FSTL4: variants seen among roughly 807,000 people sequenced by gnomAD.
FSTL4 encodes follistatin like 4.
FSTL4 carries 28 observed loss-of-function variants against 78.2 expected under a neutral mutation model. That is an observed-to-expected ratio of 0.36 (90% CI 0.27 to 0.49). The LOEUF is 0.49. Ranked by LOEUF, FSTL4 falls within the 20% of genes least tolerant of loss-of-function variation. The pLI is 0.98. For synonymous variants in FSTL4, 422 were observed against 440.5 expected (o/e 0.96, Z 0.53); for missense variants, 922 against 1,084.9 (o/e 0.85, Z 2.11).
chr5:133,302,200 G>A (rs931444022), intron 6 of FSTL4, among the ~76,000 whole-genome samples: 1 of 152,012 alleles, frequency 6.6e-6, no homozygotes, highest in African/African-American at 2.4e-5. Flanking sequence ...ATGAGAACTC[G>A]GGGCTCTGAA....
intron 8 of FSTL4, among the ~76,000 whole-genome samples, chr5:133,226,733 G>A (rs981803098): frequency 6.6e-6 from 1 of 152,202 alleles, no homozygotes; most frequent in Non-Finnish European, 1.5e-5. Context: ...TTCTTGAAGT[G>A]GACAGCTACA....
At chr5:133,414,383 G>GTA (rs59208127) in intron 3 of FSTL4, among the ~76,000 whole-genome samples, 3,452 of 152,160 alleles carry the variant, frequency 0.023, 59 homozygotes, top group African/African-American at 0.055. Context: ...GGGCCCAGGT[G>GTA]TATATATATA....
At chr5:133,357,171 T>G (rs1386999505) in intron 4 of FSTL4, among the ~76,000 whole-genome samples, 4 of 152,012 alleles carry the variant, frequency 2.6e-5, no homozygotes, top group Non-Finnish European at 5.9e-5. Flanking sequence ...ACAGCATGTT[T>G]GAGATTTGGT....
the FSTL4 span, among the ~76,000 whole-genome samples, chr5:133,829,979 T>A: frequency 5.9e-5 from 9 of 152,064 alleles, no homozygotes; most frequent in Non-Finnish European, 8.8e-5. Context: ...CACTGAGGGA[T>A]GGAATCCCCC....
intron 3 of FSTL4, among the ~76,000 whole-genome samples, chr5:133,441,860 C>T (rs868834131): frequency 2.0e-4 from 30 of 152,190 alleles, no homozygotes; most frequent in Non-Finnish European, 3.8e-4. Context: ...GATTTTAGTC[C>T]AGGCTGGCAG....
At chr5:133,840,738 A>G in the FSTL4 span, among the ~76,000 whole-genome samples, 136 of 152,254 alleles carry the variant, frequency 8.9e-4, no homozygotes, top group Non-Finnish European at 1.6e-3. Flanking sequence ...GAGGAGTTCA[A>G]CCTGGAGGCA....
chr5:133,627,050 G>A, the FSTL4 span, among the ~76,000 whole-genome samples: 39 of 150,948 alleles, frequency 2.6e-4, no homozygotes, highest in African/African-American at 9.2e-4. Flanking sequence ...CCTGCTTCAC[G>A]TATTTTGTAG....
intron 6 of FSTL4, among the ~76,000 whole-genome samples, chr5:133,264,476 C>G (rs965765980): frequency 1.3e-5 from 2 of 152,142 alleles, no homozygotes; most frequent in African/African-American, 4.8e-5. Flanking sequence ...CTATCACACT[C>G]TCCTGCAGAC....
chr5:133,758,890 A>G, the FSTL4 span, among the ~76,000 whole-genome samples: 1 of 152,216 alleles, frequency 6.6e-6, no homozygotes, highest in Non-Finnish European at 1.5e-5. Flanking sequence ...AGCAGACCTC[A>G]GTTCTTCATA....
chr5:133,373,932 G>T (rs1204810624), intron 4 of FSTL4, among the ~76,000 whole-genome samples: 1 of 152,188 alleles, frequency 6.6e-6, no homozygotes, highest in Non-Finnish European at 1.5e-5. Flanking sequence ...AGCATGGGAA[G>T]TTTCTTCCCT....
chr5:133,486,690 C>T (rs938205715), intron 3 of FSTL4, among the ~76,000 whole-genome samples: 1 of 152,156 alleles, frequency 6.6e-6, no homozygotes, highest in African/African-American at 2.4e-5. Context: ...GCCCCCTCTT[C>T]ACCCTGCCAA....
At chr5:133,216,322 G>A (rs1438169543) in intron 13 of FSTL4, among the ~76,000 whole-genome samples, 1 of 152,060 alleles carries the variant, frequency 6.6e-6, no homozygotes, top group Admixed American at 6.5e-5. Context: ...ACAGAGTGTT[G>A]CTCTGCTGCC....
At chr5:133,337,152 G>A (rs1014300396) in intron 4 of FSTL4, among the ~76,000 whole-genome samples, 2 of 152,252 alleles carry the variant, frequency 1.3e-5, no homozygotes, top group Non-Finnish European at 2.9e-5. Flanking sequence ...CCCCCAACCT[G>A]CCCTTGCACC....
At chr5:133,371,269 C>A (rs1224515871) in intron 4 of FSTL4, among the ~76,000 whole-genome samples, 2 of 152,244 alleles carry the variant, frequency 1.3e-5, no homozygotes, top group African/African-American at 2.4e-5. Context: ...GTAAGCTCTG[C>A]CCATGTTTTG....
intron 4 of FSTL4, among the ~76,000 whole-genome samples, chr5:133,367,033 C>T (rs1215681888): frequency 6.6e-6 from 1 of 152,190 alleles, no homozygotes. Flanking sequence ...CATTCAGGGT[C>T]CTCCCCTTGA....
In FSTL4 at chr5:133,494,599, T is replaced by C. The variant is rs577448610; in HGVS notation, c.160+72587A>G. Among the ~76,000 whole-genome samples the C allele has an allele frequency of 5.9e-5, 9 of 152,354 alleles. No homozygotes were observed. In the South Asian group the frequency reaches 1.9e-3, roughly 32 times the overall value. ...TTTTGAAGATAAAATGTTCAACAAC[T>C]GCGTCTTTTGACCTTCTGGGATTCC... On this transcript the variant is annotated intron_variant, in intron 3 of 15. Coordinates refer to ENST00000265342, the MANE Select transcript of FSTL4 (RefSeq NM_015082.2).
the FSTL4 span, among the ~76,000 whole-genome samples, chr5:133,667,279 C>T: frequency 8.5e-5 from 13 of 152,306 alleles, no homozygotes; most frequent in Middle Eastern, 3.4e-3. Flanking sequence ...GTTGTTATCA[C>T]TTCCACCATT....
chr5:133,796,881 C>T, the FSTL4 span, among the ~76,000 whole-genome samples: 1 of 151,982 alleles, frequency 6.6e-6, no homozygotes, highest in Admixed American at 6.6e-5. Flanking sequence ...AGTGTTTCCC[C>T]CTCCTGTCTG....
chr5:133,756,539 G>A, the FSTL4 span, among the ~76,000 whole-genome samples: 1 of 152,042 alleles, frequency 6.6e-6, no homozygotes, highest in Non-Finnish European at 1.5e-5. Flanking sequence ...CCAGTTTAAG[G>A]TTTCCTTCCC....
Sources: allele counts gnomAD v4.1 joint callset (sites outside exome capture counted in the v4.1 genomes callset), GRCh38; gene constraint gnomAD v4.1.1; transcripts MANE v1.5; gene names NCBI Gene and HGNC (gene_info 2026-07-23, HGNC 2026-07-21).